Variants in BABAM2 observed in about 807,000 individuals in gnomAD.
BABAM2 encodes the protein BRISC and BRCA1-A complex member 2.
Under a neutral mutation model 54.7 loss-of-function variants are expected in BABAM2, and 31 were observed. The ratio of observed to expected loss-of-function variants is 0.57; its 90% CI spans 0.43 to 0.77. The LOEUF (loss-of-function observed/expected upper bound fraction) is 0.77, where lower values mean the gene tolerates loss of function less well. BABAM2 is among the 30% of genes least tolerant of loss of function. The probability of loss-of-function intolerance (pLI) is 0.00; values close to 1 mark genes in which losing one functional copy is unlikely to be tolerated. For synonymous variants in BABAM2, 167 were observed against 162.9 expected (o/e 1.03, Z -0.19); for missense variants, 364 against 455.8 (o/e 0.80, Z 1.83).
At chr2:28,187,288 G>A (rs1331629115) in intron 7 of BABAM2, among the ~76,000 whole-genome samples, 3 of 152,082 alleles carry the variant, frequency 2.0e-5, no homozygotes, top group Admixed American at 6.6e-5. Flanking sequence ...CATAGAGAAG[G>A]GCCACTAGAG....
intron 6 of BABAM2, among the ~76,000 whole-genome samples, chr2:28,070,895 G>T (rs1024662717): frequency 2.6e-5 from 4 of 152,022 alleles, no homozygotes; most frequent in Admixed American, 2.6e-4. Context: ...AGAAAAAAAG[G>T]TGTTAAATCA....
intron 7 of BABAM2, among the ~76,000 whole-genome samples, chr2:28,175,005 T>G (rs1294628095): frequency 6.6e-6 from 1 of 152,078 alleles, no homozygotes; most frequent in Non-Finnish European, 1.5e-5. Flanking sequence ...GAAGCCAAAA[T>G]GCATGCTTCC....
chr2:28,266,299 T>G (rs1415458498), intron 10 of BABAM2, among the ~76,000 whole-genome samples: 1 of 152,212 alleles, frequency 6.6e-6, no homozygotes, highest in East Asian at 1.9e-4. Context: ...CTTTCTTCTT[T>G]CTGACTTGAA....
At chr2:28,187,539 A>G (rs1260030362) in intron 7 of BABAM2, among the ~76,000 whole-genome samples, 3 of 152,164 alleles carry the variant, frequency 2.0e-5, no homozygotes, top group African/African-American at 7.2e-5. Flanking sequence ...TCAGTGTAAA[A>G]TTTATATATC....
chr2:28,027,563 A>G (rs1006404347), intron 5 of BABAM2, among the ~76,000 whole-genome samples: 1 of 152,186 alleles, frequency 6.6e-6, no homozygotes. Context: ...ATCATACAGT[A>G]TGTGGTTTTT....
chr2:28,034,770 T>C (rs898195814), intron 5 of BABAM2, among the ~76,000 whole-genome samples: 1 of 152,140 alleles, frequency 6.6e-6, no homozygotes, highest in East Asian at 1.9e-4. Flanking sequence ...AAAAAAGATA[T>C]TGGCTAAAAG....
At chr2:28,192,377 A>T (rs1277853581) in intron 7 of BABAM2, among the ~76,000 whole-genome samples, 2 of 151,978 alleles carry the variant, frequency 1.3e-5, no homozygotes, top group Non-Finnish European at 2.9e-5. Context: ...GCACACCAAC[A>T]TGGCACATTT....
intron 3 of BABAM2, among the ~76,000 whole-genome samples, chr2:27,952,011 A>G (rs1669765698): frequency 6.6e-6 from 1 of 152,158 alleles, no homozygotes; most frequent in South Asian, 2.1e-4. Flanking sequence ...GGATTTGTCT[A>G]CTTCTTCTTG....
At chr2:28,284,864 A>G (rs746283069) in intron 10 of BABAM2, among the ~76,000 whole-genome samples, 1 of 152,212 alleles carries the variant, frequency 6.6e-6, no homozygotes, top group Non-Finnish European at 1.5e-5. Flanking sequence ...AAAGTGAGTA[A>G]TAATAGGTAT....
intron 1 of BABAM2, 163 bp downstream of exon 1, chr2:27,891,005 A>G (rs1664784487): frequency 6.6e-6 from 1 of 152,518 alleles, no homozygotes; most frequent in African/African-American, 2.4e-5. Flanking sequence ...GATTCCCTCA[A>G]GAACGAGCCC....
chr2:28,014,225 C>T (rs1171824550), intron 4 of BABAM2, among the ~76,000 whole-genome samples: 1 of 152,008 alleles, frequency 6.6e-6, no homozygotes, highest in African/African-American at 2.4e-5. Context: ...TAGACTAGAT[C>T]AATTTTTCCA....
intron 6 of BABAM2, among the ~76,000 whole-genome samples, chr2:28,046,352 C>T (rs747013209): frequency 1.1e-4 from 16 of 152,040 alleles, no homozygotes; most frequent in East Asian, 1.9e-4. Flanking sequence ...CCCAGCTACT[C>T]GGGAGACTGA....
chr2:28,282,859 C>T (rs1245310621), intron 10 of BABAM2, among the ~76,000 whole-genome samples: 1 of 151,824 alleles, frequency 6.6e-6, no homozygotes, highest in African/African-American at 2.4e-5. Flanking sequence ...ATTAGCTGGG[C>T]ATGGTGGTGG....
chr2:28,101,088 T>A (rs1667042378), intron 6 of BABAM2, among the ~76,000 whole-genome samples: 1 of 152,210 alleles, frequency 6.6e-6, no homozygotes, highest in Non-Finnish European at 1.5e-5. Context: ...GTGGCTACTA[T>A]TACTGATACA....
At chr2:28,000,028 T>C (rs1558647734) in intron 4 of BABAM2, among the ~76,000 whole-genome samples, 1 of 152,162 alleles carries the variant, frequency 6.6e-6, no homozygotes, top group African/African-American at 2.4e-5. Flanking sequence ...GCCAAGACAG[T>C]ACAGAGAGCA....
Position 28,025,264 on chromosome 2 carries a change from C to G in BABAM2, c.339C>G (p.Leu113=). 1 of 1,606,186 alleles carries G rather than the reference C, an allele frequency of 6.2e-7. No homozygotes were observed. Among genetic ancestry groups the G allele is most frequent in the Non-Finnish European group, 8.5e-7 (1 of 1,178,144 alleles). ...GGAATCCTTCAAATCCTGAATGTCTCTTACTTGTGGTGAAGGAACTTGTGC... is the reference window on the plus strand; with the variant it reads ...GGAATCCTTCAAATCCTGAATGTCTGTTACTTGTGGTGAAGGAACTTGTGC... ...ASWNPSNPEC[L]LLVVKELVQQ... Residue 113 remains leucine, a synonymous_variant, in exon 5 of 12, where the codon CTC becomes CTG. Transcript: ENST00000379624.
intron 7 of BABAM2, among the ~76,000 whole-genome samples, chr2:28,153,961 A>G (rs1358311312): frequency 2.0e-5 from 3 of 152,114 alleles, no homozygotes; most frequent in African/African-American, 7.2e-5. Context: ...TTTTCTTAGT[A>G]TTCAGCAGAG....
intron 2 of BABAM2, among the ~76,000 whole-genome samples, chr2:27,906,014 C>T (rs536496748): frequency 2.0e-5 from 3 of 152,274 alleles, no homozygotes; most frequent in Admixed American, 6.5e-5. Flanking sequence ...TTGTCTTGAG[C>T]GGATACATGC....
chr2:28,092,775 GCTCT>G (rs1187515025), intron 6 of BABAM2, among the ~76,000 whole-genome samples: 5 of 125,842 alleles, frequency 4.0e-5, no homozygotes, highest in Non-Finnish European at 8.8e-5. Context: ...TCTCTCTCAC[GCTCT>G]CTCTCTCTCT....
Sources: allele counts gnomAD v4.1 joint callset (sites outside exome capture counted in the v4.1 genomes callset), GRCh38; gene constraint gnomAD v4.1.1; transcripts MANE v1.5; gene names NCBI Gene and HGNC (gene_info 2026-07-23, HGNC 2026-07-21).